Variants in NCOA6 observed in about 807,000 individuals in gnomAD.
NCOA6 encodes nuclear receptor coactivator 6.
In NCOA6, 49 loss-of-function variants were observed where a neutral mutation model predicts 171.4. The ratio of observed to expected loss-of-function variants is 0.29; its 90% CI spans 0.23 to 0.36. The LOEUF (loss-of-function observed/expected upper bound fraction) is 0.36. Among genes scored for constraint, NCOA6 ranks in the 10% least tolerant of loss-of-function variants. The probability of loss-of-function intolerance (pLI) is 1.00; values close to 1 mark genes in which losing one functional copy is unlikely to be tolerated. For synonymous variants in NCOA6, 910 were observed against 927.5 expected (o/e 0.98, Z 0.34); for missense variants, 2,248 against 2,554.5 (o/e 0.88, Z 2.59).
intron 12 of NCOA6, among the ~76,000 whole-genome samples, chr20:34,735,034 A>G (rs2075906122): frequency 6.6e-6 from 1 of 152,208 alleles, no homozygotes; most frequent in Admixed American, 6.5e-5. Context: ...GAGATCAAGA[A>G]GGTTTGATGA....
chr20:34,762,227 T>C (rs1664708620), intron 5 of NCOA6, among the ~76,000 whole-genome samples: 2 of 152,212 alleles, frequency 1.3e-5, no homozygotes, highest in South Asian at 4.1e-4. Context: ...TTTTAATGTC[T>C]GCTTTATCTG....
rs1433995101 is a variant in NCOA6 at position 34,768,518 on chromosome 20, C to T, written c.460G>A (p.Gly154Arg). The change falls in exon 5 of 15, where the codon GGA (glycine) becomes AGA (arginine). Residue 154 changes from glycine to arginine, a missense_variant. Transcript: ENST00000359003. ...SQDVRMNGPM[G>R]AGNSVRMEAG... Reference sequence around the variant, plus strand: ...TCCATCCTAACTGAATTTCCAGCTCCCATGGGTCCATTCATTCTCACATCT... The same window carrying T: ...TCCATCCTAACTGAATTTCCAGCTCTCATGGGTCCATTCATTCTCACATCT... 1.2e-6 allele frequency: 2 copies of T among 1,614,034 alleles called. No homozygotes were observed. The highest frequency in any genetic ancestry group is 1.7e-6 in the Non-Finnish European group (2 of 1,180,034).
chr20:34,810,547 T>A (rs1260859616), intron 1 of NCOA6, among the ~76,000 whole-genome samples: 1 of 151,732 alleles, frequency 6.6e-6, no homozygotes, highest in East Asian at 1.9e-4. Context: ...AACCATTTTT[T>A]TTCTTTTTTT....
intron 3 of NCOA6, among the ~76,000 whole-genome samples, chr20:34,778,959 A>G (rs2077431899): frequency 4.3e-5 from 1 of 23,392 alleles, no homozygotes; most frequent in Non-Finnish European, 9.4e-5. Context: ...ACTCCGTTTC[A>G]AAAAAAAAAA....
intron 3 of NCOA6, 70 bp downstream of exon 3, chr20:34,782,051 C>A: frequency 9.0e-7 from 1 of 1,116,062 alleles, no homozygotes; most frequent in South Asian, 1.7e-5. Flanking sequence ...TTGTAAAACT[C>A]AAGATAACCA....
rs2076950108 is a variant in NCOA6, at chr20:34,765,406, T to C, written c.514+3058A>G. ...GCCGAGCCGAGATCGTGCCACTGCA[T>C]TCCAGCCTAGGCGACAGAGCGAGAG... is the stretch of plus-strand genomic sequence containing the variant. On this transcript the variant is annotated intron_variant, in intron 5 of 14. Transcript: ENST00000359003. Among the ~76,000 whole-genome samples, 5 of 147,198 alleles carry C rather than the reference T, an allele frequency of 3.4e-5. No individual in the cohort carries two copies. The South Asian group carries it at 1.1e-3, about 32-fold the overall frequency.
chr20:34,716,284 C>G (rs1049981418), intron 14 of NCOA6, among the ~76,000 whole-genome samples: 3 of 151,172 alleles, frequency 2.0e-5, no homozygotes, highest in African/African-American at 7.3e-5. Flanking sequence ...TAAGCAACGG[C>G]CTGCTCTGAG....
chr20:34,788,353 C>A (rs1352561864), intron 2 of NCOA6, among the ~76,000 whole-genome samples: 1 of 152,068 alleles, frequency 6.6e-6, no homozygotes, highest in Non-Finnish European at 1.5e-5. Context: ...CGTGAGCCAT[C>A]GTGCCTGGCC....
chr20:34,741,040 G>T lies in NCOA6; in HGVS notation c.5216C>A (p.Thr1739Asn), dbSNP rs2076124793. ...GRPLVLSSRA[T>N]PVQLPSPPCT... Reference sequence around the variant, plus strand: ...AGGAGGGGAAGGAAGCTGAACAGGGGTGGCTCGTGAGCTAAGGACCAAAGG... The same window carrying T: ...AGGAGGGGAAGGAAGCTGAACAGGGTTGGCTCGTGAGCTAAGGACCAAAGG... Residue 1739 changes from threonine (T) to asparagine (N), a missense_variant, in exon 11 of 15, where the codon ACC becomes AAC. Physicochemically the swap from Thr to Asn is moderately conservative, Grantham distance 65. Coordinates refer to ENST00000359003, the MANE Select transcript of NCOA6 (RefSeq NM_014071.5). 1.2e-6 allele frequency: 2 copies of T among 1,614,130 alleles called. No homozygotes were observed. The highest frequency in any genetic ancestry group is 2.2e-5 in the South Asian group (2 of 91,086).
At chr20:34,775,302 G>A (rs1186508206) in intron 4 of NCOA6, among the ~76,000 whole-genome samples, 3 of 150,606 alleles carry the variant, frequency 2.0e-5, no homozygotes, top group Admixed American at 6.6e-5. Flanking sequence ...TTATAGGGGT[G>A]TAGGTGTGTG....
rs1319705610 is a variant in NCOA6 at position 34,742,161 on chromosome 20, C to T, written c.4095G>A (p.Leu1365=). 6.2e-7 allele frequency: 1 copy of T among 1,614,206 alleles called. No individual in the cohort carries two copies. Among genetic ancestry groups the T allele is most frequent in the Admixed American group, 1.7e-5 (1 of 60,026 alleles). Residue 1365 remains leucine, a synonymous_variant, in exon 11 of 15, where the codon TTG becomes TTA. Coordinates refer to ENST00000359003, the MANE Select transcript of NCOA6 (RefSeq NM_014071.5). Reference sequence around the variant, plus strand: ...CATTTCTCGGCAACTCCACATTCTGCAATAGGGCTGCATTTGTCTGAGAGG... The same window carrying T: ...CATTTCTCGGCAACTCCACATTCTGTAATAGGGCTGCATTTGTCTGAGAGG... ...TLASQTNAAL[L]QNVELPRNVL...
chr20:34,815,104 GCA>G (rs1248511054), intron 1 of NCOA6, among the ~76,000 whole-genome samples: 1 of 152,072 alleles, frequency 6.6e-6, no homozygotes. Flanking sequence ...CACAGGCTGA[GCA>G]CAGTGGCACA....
At chr20:34,769,984 C>T (rs890615781) in intron 4 of NCOA6, among the ~76,000 whole-genome samples, 1 of 151,892 alleles carries the variant, frequency 6.6e-6, no homozygotes, top group Admixed American at 6.6e-5. Flanking sequence ...GATGGTAAAA[C>T]AGAAAGTTAA....
At chr20:34,809,049 C>A (rs1351964687) in intron 1 of NCOA6, among the ~76,000 whole-genome samples, 1 of 152,156 alleles carries the variant, frequency 6.6e-6, no homozygotes, top group Non-Finnish European at 1.5e-5. Context: ...GTTATGAATT[C>A]TGAAAATATC....
intron 8 of NCOA6, among the ~76,000 whole-genome samples, chr20:34,753,653 C>T (rs925787474): frequency 1.6e-4 from 25 of 151,766 alleles, no homozygotes; most frequent in African/African-American, 5.8e-4. Context: ...GAGCAAGACT[C>T]CGTCTCAAAA....
intron 1 of NCOA6, among the ~76,000 whole-genome samples, chr20:34,800,702 A>G (rs2078228606): frequency 6.6e-6 from 1 of 152,210 alleles, no homozygotes; most frequent in Middle Eastern, 3.2e-3. Context: ...TGGAGCACCC[A>G]GATATATAAA....
chr20:34,765,640 G>A (rs1248532071), intron 5 of NCOA6, among the ~76,000 whole-genome samples: 2 of 152,066 alleles, frequency 1.3e-5, no homozygotes, highest in East Asian at 1.9e-4. Flanking sequence ...GTAATGTCTG[G>A]AGACATTTTA....
rs779550556 is a variant in NCOA6 at position 34,742,831 on chromosome 20, G to A, written c.3425C>T (p.Ser1142Phe). The change falls in exon 11 of 15, where the codon TCT (serine) becomes TTT (phenylalanine). Residue 1142 changes from serine to phenylalanine, a missense_variant. By Grantham distance (155) the Ser-to-Phe change is radical. Around this residue, in one of 7 missense-constraint regions of NCOA6, gnomAD observed 352 missense variants for 419.1 expected, o/e 0.84. Coordinates refer to ENST00000359003, the MANE Select transcript of NCOA6 (RefSeq NM_014071.5). ...CATGTTGTTTGGGCCTCCTGGGACA[G>A]ATGGTGCTTCACTGCCACTTGCTTC... is the stretch of plus-strand genomic sequence containing the variant. ...LPEASGSEAP[S>F]VPGGPNNMPS... 6.2e-7 allele frequency: 1 copy of A among 1,614,198 alleles called. No individual in the cohort carries two copies. The highest frequency in any genetic ancestry group is 1.1e-5 in the South Asian group (1 of 91,078).
At chr20:34,762,835 T>C (rs2076856907) in intron 5 of NCOA6, among the ~76,000 whole-genome samples, 1 of 152,208 alleles carries the variant, frequency 6.6e-6, no homozygotes, top group Non-Finnish European at 1.5e-5. Flanking sequence ...TAAATTCTCT[T>C]AGTCTCTTTG....
Sources: allele counts gnomAD v4.1 joint callset (sites outside exome capture counted in the v4.1 genomes callset), GRCh38; gene constraint gnomAD v4.1.1; regional missense constraint gnomAD v4.1.1; transcripts MANE v1.5; gene names NCBI Gene and HGNC (gene_info 2026-07-23, HGNC 2026-07-21).